COL6A5: variants seen among roughly 807,000 people sequenced by gnomAD.
The protein encoded by COL6A5 is collagen alpha-5(VI) chain.
COL6A5 carries 48 observed loss-of-function variants against 65.6 expected under a neutral mutation model. The observed-to-expected ratio is 0.73, with a 90% CI of 0.58 to 0.93. The LOEUF (loss-of-function observed/expected upper bound fraction) is 0.93, where lower values mean the gene tolerates loss of function less well. Ranked by LOEUF, COL6A5 falls within the 40% of genes least tolerant of loss-of-function variation. The pLI, the probability that COL6A5 is intolerant of heterozygous loss-of-function variation, is 0.00. For synonymous variants in COL6A5, 291 were observed against 322.8 expected, an observed-to-expected ratio of 0.90 and a Z score of 1.05; for missense variants, 914 against 928.3, an observed-to-expected ratio of 0.98 and a Z score of 0.20.
intron 25 of COL6A5, 119 bp downstream of exon 25, chr3:130,419,050 G>A: frequency 1.3e-6 from 1 of 779,012 alleles, no homozygotes; most frequent in South Asian, 1.6e-5. Context: ...TCAGCATCTA[G>A]GAAAATGTGA....
chr3:130,428,311 G>A (rs1937652963), upstream of COL6A5, among the ~76,000 whole-genome samples: 1 of 152,096 alleles, frequency 6.6e-6, no homozygotes, highest in Non-Finnish European at 1.5e-5. Context: ...CATTTCCAAG[G>A]CTTCTCATCT....
rs539702977 is a variant in COL6A5, at chr3:130,391,248, A to G, written c.2486A>G (p.Tyr829Cys). The G allele has an allele frequency of 2.0e-4, 312 of 1,551,650 alleles. 2 individuals carry two copies. In the South Asian group the frequency reaches 3.5e-3, roughly 18 times the overall value. ...CATTCAGGTAGCATAAAAAAACAAT[A>G]TCAAGATCACATGATTAACCTAACT... The change falls in exon 7 of 42, where the codon TAT becomes TGT. Residue 829 changes from tyrosine to cysteine, a missense_variant and NMD_transcript_variant. By Grantham distance (194) the Tyr-to-Cys change is radical. Coordinates refer to the COL6A5 transcript ENST00000312481.
chr3:130,483,293 G>A (rs968316727), intron 7 of COL6A5, among the ~76,000 whole-genome samples: 20 of 152,050 alleles, frequency 1.3e-4, no homozygotes, highest in African/African-American at 4.1e-4. Flanking sequence ...AAAGACCATC[G>A]ACACTATGAA....
chr3:130,470,572 A>G (rs980924202), intron 6 of COL6A5, among the ~76,000 whole-genome samples: 2 of 152,098 alleles, frequency 1.3e-5, no homozygotes, highest in Non-Finnish European at 2.9e-5. Context: ...ATAGTCTTCT[A>G]GAAAGATCCT....
At chr3:130,461,207 A>G (rs1709694536) in intron 5 of COL6A5, among the ~76,000 whole-genome samples, 2 of 152,036 alleles carry the variant, frequency 1.3e-5, no homozygotes, top group South Asian at 4.1e-4. Context: ...CTGTGTGTAT[A>G]AAAAATGACT....
chr3:130,356,059 A>C (rs1418751746), intron 1 of COL6A5, among the ~76,000 whole-genome samples: 3 of 151,896 alleles, frequency 2.0e-5, no homozygotes, highest in African/African-American at 7.3e-5. Flanking sequence ...CTTTTTTTGC[A>C]TCTTCTTTTT....
exon 18 of COL6A5, chr3:130,409,369 AG>A (rs1577479787): frequency 1.7e-5 from 26 of 1,548,610 alleles, no homozygotes; most frequent in Non-Finnish European, 2.3e-5. Context: ...TATGGAGAGA[AG>A]GGCTTCCCAG....
chr3:130,420,567 C>G (rs762030330), intron 25 of COL6A5, among the ~76,000 whole-genome samples: 1 of 152,010 alleles, frequency 6.6e-6, no homozygotes, highest in Non-Finnish European at 1.5e-5. Context: ...ATAGCTGGAT[C>G]GAAGAATATG....
intron 20 of COL6A5, 87 bp from the exon 21 acceptor site, chr3:130,413,458 T>A (rs11717623): frequency 0.68 from 848,057 of 1,243,274 alleles, 305,324 homozygotes; most frequent in Non-Finnish European, 0.75. Flanking sequence ...TACTTATGTC[T>A]AGCAGAGAAT....
exon 3 of COL6A5, chr3:130,440,212 A>G (rs1709141427): frequency 1.2e-6 from 2 of 1,613,014 alleles, no homozygotes; most frequent in Non-Finnish European, 1.7e-6. Flanking sequence ...TCTTACCTGA[A>G]GATTCATACA....
At chr3:130,413,457 C>A in intron 20 of COL6A5, 88 bp from the exon 21 acceptor site, 5 of 1,219,206 alleles carry the variant, frequency 4.1e-6, no homozygotes, top group South Asian at 3.9e-5. Flanking sequence ...TTACTTATGT[C>A]TAGCAGAGAA....
intron 10 of COL6A5, among the ~76,000 whole-genome samples, chr3:130,399,423 C>T (rs959793660): frequency 1.7e-4 from 25 of 148,248 alleles, no homozygotes; most frequent in Non-Finnish European, 3.3e-4. Context: ...CAGGCTGGAG[C>T]GCAGTGGCCC....
At chr3:130,362,461 T>C (rs1221467259) in intron 1 of COL6A5, among the ~76,000 whole-genome samples, 3 of 151,806 alleles carry the variant, frequency 2.0e-5, no homozygotes, top group Admixed American at 6.6e-5. Context: ...TGCAGGTCTA[T>C]TTCTGGGCTC....
At chr3:130,379,027 C>T (rs990969850) in intron 3 of COL6A5, among the ~76,000 whole-genome samples, 3 of 151,906 alleles carry the variant, frequency 2.0e-5, no homozygotes, top group Non-Finnish European at 2.9e-5. Context: ...TGATGGTGGA[C>T]GTGGTGGTTC....
At chr3:130,442,860 C>G (rs1308265946) in intron 3 of COL6A5, among the ~76,000 whole-genome samples, 1 of 152,126 alleles carries the variant, frequency 6.6e-6, no homozygotes, top group African/African-American at 2.4e-5. Flanking sequence ...TTCATAGATC[C>G]TTGGATCAGT....
intron 20 of COL6A5, among the ~76,000 whole-genome samples, chr3:130,411,292 T>G (rs1937168833): frequency 6.6e-6 from 1 of 152,236 alleles, no homozygotes; most frequent in Non-Finnish European, 1.5e-5. Context: ...GCGCTCAGCA[T>G]GGACATCATT....
At position 130,462,972 on chromosome 3, in the gene COL6A5, T is replaced by C. The variant is rs191562727; in HGVS notation, c.1545-5823T>C. On this transcript the variant is annotated intron_variant, in intron 5 of 7. Coordinates refer to ENST00000512836, the Ensembl canonical transcript of COL6A5. ...CCTCTACCACTTATCAGCCATCCTT[T>C]CTTAGCCAACTCATTCACCCTTGCC... Among the ~76,000 whole-genome samples, 29 of 152,194 alleles carry C rather than the reference T, an allele frequency of 1.9e-4. No homozygotes were observed. In the East Asian group the frequency reaches 5.1e-3, roughly 27 times the overall value.
rs1460734435 is a variant in COL6A5 at position 130,410,524 on chromosome 3, G to C, written c.4662G>C (p.Arg1554Ser). 4 of 1,549,948 alleles carry C rather than the reference G, an allele frequency of 2.6e-6. No individual in the cohort carries two copies. The East Asian group carries it at 9.8e-5, about 38-fold the overall frequency. ...GCAGTCCTAGTTCCAGAGGCAGCAGGGTAAGTATTTCTGTGGACATTTATT... is the reference window on the plus strand; with the variant it reads ...GCAGTCCTAGTTCCAGAGGCAGCAGCGTAAGTATTTCTGTGGACATTTATT... The change falls in exon 20 of 42, where the codon AGG becomes AGC. Residue 1554 changes from arginine to serine, a missense_variant and splice_region_variant and NMD_transcript_variant. Physicochemically the swap from Arg to Ser is moderately radical, Grantham distance 110. Coordinates refer to the COL6A5 transcript ENST00000312481.
At chr3:130,390,709 A>C in intron 6 of COL6A5, among the ~76,000 whole-genome samples, 1 of 152,224 alleles carries the variant, frequency 6.6e-6, no homozygotes, top group East Asian at 1.9e-4. Flanking sequence ...GAGGGTCCAA[A>C]GATACCTGGA....
Sources: gnomAD v4.1 joint callset for allele counts (sites outside exome capture counted in the v4.1 genomes callset) on GRCh38, gnomAD v4.1.1 for gene constraint, MANE v1.5 for transcripts, NCBI Gene and HGNC (gene_info 2026-07-23, HGNC 2026-07-21) for gene names.